The following NTNG1 variants were observed in gnomAD, a reference collection of about 807,000 sequenced individuals.
NTNG1 encodes netrin G1, also known as netrin-G1.
NTNG1 carries 16 observed loss-of-function variants against 54.0 expected under a neutral mutation model. That is an observed-to-expected ratio of 0.30 (90% confidence interval 0.20 to 0.45). The LOEUF is 0.45. NTNG1 is among the 20% of genes least tolerant of loss of function. The probability of loss-of-function intolerance (pLI) is 1.00; values close to 1 mark genes in which losing one functional copy is unlikely to be tolerated. For synonymous variants in NTNG1, 255 were observed against 263.1 expected, an observed-to-expected ratio of 0.97 and a Z score of 0.30; for missense variants, 530 against 678.7, an observed-to-expected ratio of 0.78 and a Z score of 2.43.
chr1:107,422,644 C>T (rs1222142184), intron 5 of NTNG1, among the ~76,000 whole-genome samples: 1 of 152,072 alleles, frequency 6.6e-6, no homozygotes, highest in Non-Finnish European at 1.5e-5. Context: ...GCTAGAGCCT[C>T]TTAATTCCCA....
At chr1:107,443,204 C>T (rs576422585) in intron 7 of NTNG1, among the ~76,000 whole-genome samples, 2 of 152,216 alleles carry the variant, frequency 1.3e-5, no homozygotes, top group South Asian at 4.1e-4. Flanking sequence ...AGTTTGATCA[C>T]TTGGCTGTCC....
intron 2 of NTNG1, among the ~76,000 whole-genome samples, chr1:107,260,585 C>G (rs1663247374): frequency 6.6e-6 from 1 of 152,212 alleles, no homozygotes; most frequent in Non-Finnish European, 1.5e-5. Flanking sequence ...GGGTCTTCCA[C>G]AGCAGTCACT....
intron 3 of NTNG1, among the ~76,000 whole-genome samples, chr1:107,343,590 C>T (rs1211300582): frequency 6.6e-6 from 1 of 151,614 alleles, no homozygotes; most frequent in African/African-American, 2.4e-5. Flanking sequence ...GATTCGCCTG[C>T]AGAAGAAAAG....
chr1:107,146,425 T>C (rs1654121157), intron 1 of NTNG1, among the ~76,000 whole-genome samples: 1 of 152,092 alleles, frequency 6.6e-6, no homozygotes, highest in Non-Finnish European at 1.5e-5. Flanking sequence ...AATTGTCAAA[T>C]TGTTGGATGT....
At chr1:107,335,221 T>G (rs961492247) in intron 3 of NTNG1, among the ~76,000 whole-genome samples, 7 of 152,128 alleles carry the variant, frequency 4.6e-5, no homozygotes, top group African/African-American at 1.7e-4. Context: ...CTGCTCTCAT[T>G]CTCAAGCAAT....
chr1:107,374,029 A>G (rs769436586), intron 3 of NTNG1, among the ~76,000 whole-genome samples: 2 of 152,078 alleles, frequency 1.3e-5, no homozygotes, highest in Admixed American at 6.6e-5. Context: ...AAGATATTTT[A>G]CTGGGTAGAG....
At chr1:107,217,363 C>A (rs933593373) in intron 2 of NTNG1, among the ~76,000 whole-genome samples, 2 of 152,028 alleles carry the variant, frequency 1.3e-5, no homozygotes, top group African/African-American at 2.4e-5. Flanking sequence ...CGCTAATGGT[C>A]TATTAATTTT....
chr1:107,177,001 T>C (rs1656693933), intron 2 of NTNG1, among the ~76,000 whole-genome samples: 1 of 152,146 alleles, frequency 6.6e-6, no homozygotes. Flanking sequence ...TTGCCAAATA[T>C]CCTCTGAGGA....
chr1:107,243,082 G>A (rs1661953192), intron 2 of NTNG1, among the ~76,000 whole-genome samples: 1 of 152,188 alleles, frequency 6.6e-6, no homozygotes, highest in South Asian at 2.1e-4. Context: ...CGTAACTTGT[G>A]AACTTGACTT....
At chr1:107,330,360 G>A (rs1668207141) in intron 3 of NTNG1, among the ~76,000 whole-genome samples, 1 of 152,138 alleles carries the variant, frequency 6.6e-6, no homozygotes, top group African/African-American at 2.4e-5. Flanking sequence ...CTATTCTGGT[G>A]TAACTGTGCA....
chr1:107,263,284 C>G (rs747020081), intron 2 of NTNG1, among the ~76,000 whole-genome samples: 1 of 91,956 alleles, frequency 1.1e-5, no homozygotes, highest in Non-Finnish European at 2.9e-5. Flanking sequence ...TTCCTTCCTT[C>G]CTTCCTTCCT....
At chr1:107,445,832 G>A (rs951060388) in intron 7 of NTNG1, among the ~76,000 whole-genome samples, 17 of 151,914 alleles carry the variant, frequency 1.1e-4, no homozygotes, top group Admixed American at 3.9e-4. Context: ...GCTGTGTTCC[G>A]GTAAAACTTT....
At chr1:107,168,433 T>C (rs1655976200) in intron 2 of NTNG1, among the ~76,000 whole-genome samples, 2 of 152,112 alleles carry the variant, frequency 1.3e-5, no homozygotes, top group South Asian at 4.1e-4. Flanking sequence ...TTCTGGACAG[T>C]TTAAAATATT....
chr1:107,480,579 C>CCCCCCCCCCT, intron 7 of NTNG1, 32 bp from the exon 8 acceptor site: 2 of 615,712 alleles, frequency 3.2e-6, no homozygotes, highest in East Asian at 2.7e-5. Flanking sequence ...TCCCCGCGCC[C>CCCCCCCCCCT]ACCCACCCCT....
intron 3 of NTNG1, among the ~76,000 whole-genome samples, chr1:107,342,775 GCAGAAT>G (rs969664984): frequency 2.2e-4 from 33 of 152,068 alleles, no homozygotes; most frequent in Non-Finnish European, 3.2e-4. Context: ...ACTTCTAAAG[GCAGAAT>G]TATCCTATAG....
intron 3 of NTNG1, among the ~76,000 whole-genome samples, chr1:107,368,699 A>G (rs1041330127): frequency 5.3e-5 from 8 of 152,216 alleles, no homozygotes; most frequent in African/African-American, 1.9e-4. Context: ...TCCCAATGTG[A>G]CAGATAAAGA....
intron 3 of NTNG1, among the ~76,000 whole-genome samples, chr1:107,373,273 GTATATAA>G: frequency 6.6e-6 from 1 of 151,826 alleles, no homozygotes; most frequent in East Asian, 1.9e-4. Context: ...TTGCTTTAGA[GTATATAA>G]TATATAACTA....
At chr1:107,444,575 T>C (rs1016974064) in intron 7 of NTNG1, among the ~76,000 whole-genome samples, 8 of 152,148 alleles carry the variant, frequency 5.3e-5, no homozygotes, top group Admixed American at 5.2e-4. Flanking sequence ...TGTGCTCAGC[T>C]CAGAGAGGGG....
At position 107,354,092 on chromosome 1, in the gene NTNG1, T is replaced by C. The variant is rs372970821; in HGVS notation, c.887+29170T>C. ...GAGACACAGACCCAAACCATGTCAA[T>C]GACCCTGAAGTGAGATCCAGTTTAT... On this transcript the variant is annotated intron_variant, in intron 3 of 7. Coordinates refer to ENST00000370068, the MANE Select transcript of NTNG1 (RefSeq NM_001113226.3). 7.9e-5 allele frequency among the ~76,000 whole-genome samples: 12 copies of C among 152,302 alleles called. No homozygotes were observed. The East Asian group carries it at 1.4e-3, about 17-fold the overall frequency.
Sources: gnomAD v4.1 joint callset for allele counts (sites outside exome capture counted in the v4.1 genomes callset) on GRCh38, gnomAD v4.1.1 for gene constraint, MANE v1.5 for transcripts, NCBI Gene and HGNC (gene_info 2026-07-23, HGNC 2026-07-21) for gene names.